The following SOX11 variants were observed in gnomAD, a reference collection of about 807,000 sequenced individuals.
SOX11 encodes the protein SRY-box transcription factor 11.
Under a neutral mutation model 16.7 loss-of-function variants are expected in SOX11, and 5 were observed. The ratio of observed to expected loss-of-function variants is 0.30; its 90% CI spans 0.16 to 0.63. The LOEUF is 0.63. Among genes scored for constraint, SOX11 ranks in the 20% least tolerant of loss-of-function variants. The pLI is 0.82. For synonymous variants in SOX11, 363 were observed against 298.8 expected (o/e 1.21, Z -2.22); for missense variants, 492 against 641.5 (o/e 0.77, Z 2.52).
rs754635284 is a variant in SOX11, at chr2:5,693,699, C to A, written c.978C>A (p.Leu326=). 1 of 1,599,366 alleles carries A rather than the reference C, an allele frequency of 6.3e-7. No homozygotes were observed. Among genetic ancestry groups the A allele is most frequent in the Admixed American group, 1.7e-5 (1 of 59,486 alleles). The change falls in exon 1 of 1, where the codon CTC becomes CTA. Residue 326 remains leucine (L), a synonymous_variant. Coordinates refer to ENST00000322002, the MANE Select transcript of SOX11 (RefSeq NM_003108.4). The surrounding 1 kb of genome is among the most constrained non-coding windows in gnomAD (Gnocchi z 8.6). The part of the protein sequence containing the change: ...KNITKQHPPP[L]AQPALSPASS... ...TCACCAAGCAGCACCCGCCGCCGCT[C>A]GCGCAGCCCGCGCTGTCGCCCGCGT...
Position 5,693,874 on chromosome 2 carries a change from G to C in SOX11, c.1153G>C (p.Ala385Pro). 6.4e-7 allele frequency: 1 copy of C among 1,551,454 alleles called. No homozygotes were observed. The stretch of plus-strand genomic sequence containing the variant: ...CAGCGAGCAGCAGCTGGGGGGCGGC[G>C]CGGCGGCCGGGAACCTGTCCCTGTC... Reference protein sequence around the residue: ...SASEQQLGGGAAAGNLSLSLV... With the variant: ...SASEQQLGGGPAAGNLSLSLV... Residue 385 changes from alanine to proline, a missense_variant, in exon 1 of 1, where the codon GCG (alanine) becomes CCG (proline). Physicochemically the swap from Ala to Pro is conservative, Grantham distance 27. Around this residue, in one of 4 missense-constraint regions of SOX11, gnomAD observed 31 missense variants for 78.3 expected, o/e 0.40. Coordinates refer to ENST00000322002, the MANE Select transcript of SOX11 (RefSeq NM_003108.4). This position sits in a 1 kb window ranked among gnomAD's most constrained non-coding sequence, Gnocchi z 8.6.
rs1052465118 is a variant in SOX11 at position 5,700,443 on chromosome 2, G to A, written c.*6396G>A. The A allele has an allele frequency of 4.4e-4, 72 of 163,726 alleles. No homozygotes were observed. The highest frequency in any genetic ancestry group is 3.1e-4 in the Non-Finnish European group (21 of 67,726). 10.1% of individuals were successfully genotyped at this position (163,726 alleles called of 1,614,324 possible). On this transcript the variant is annotated 3_prime_UTR_variant, in exon 1 of 1. Transcript: ENST00000322002. ...TCCAAAAAAAAAAAAAAGGACAACT[G>A]GAAGTAATTTATCATATAAAGAATT...
rs924321972 is a variant in SOX11, at chr2:5,693,865, G to C, written c.1144G>C (p.Gly382Arg). The change falls in exon 1 of 1, where the codon GGG (glycine) becomes CGG (arginine). Residue 382 changes from glycine (G) to arginine (R), a missense_variant. This residue lies in a region of SOX11 where 389 missense variants were observed against 389.0 expected (regional missense o/e 1.00). Coordinates refer to ENST00000322002, the MANE Select transcript of SOX11 (RefSeq NM_003108.4). This position sits in a 1 kb window ranked among gnomAD's most constrained non-coding sequence, Gnocchi z 8.6. ...GCACAGCGCCAGCGAGCAGCAGCTG[G>C]GGGGCGGCGCGGCGGCCGGGAACCT... ...SAHSASEQQL[G>R]GGAAAGNLSL... 2 of 1,551,500 alleles carry C rather than the reference G, an allele frequency of 1.3e-6. No homozygotes were observed. Among genetic ancestry groups the C allele is most frequent in the Admixed American group, 2.0e-5 (1 of 51,014 alleles).
Position 5,692,701 on chromosome 2 carries a change from C to A in SOX11, c.-21C>A, listed in dbSNP as rs1427962118. On this transcript the variant is annotated 5_prime_UTR_variant, in exon 1 of 1. Transcript: ENST00000322002. Reference sequence around the variant, plus strand: ...CGAGACCCAGCGGCCCGGGTTGGAGCGTCCAGCCCTGCAGCGGATCATGGT... The same window carrying A: ...CGAGACCCAGCGGCCCGGGTTGGAGAGTCCAGCCCTGCAGCGGATCATGGT... The A allele has an allele frequency of 6.5e-7, 1 of 1,540,952 alleles. No individual in the cohort carries two copies. The highest frequency in any genetic ancestry group is 8.8e-7 in the Non-Finnish European group (1 of 1,139,510).
At position 5,693,186 on chromosome 2, in the gene SOX11, C is replaced by A. The variant is rs1280582792; in HGVS notation, c.465C>A (p.Gly155=). 41 of 1,546,324 alleles carry A rather than the reference C, an allele frequency of 2.7e-5. No individual in the cohort carries two copies. The highest frequency in any genetic ancestry group is 3.5e-5 in the Non-Finnish European group (40 of 1,149,778). The change falls in exon 1 of 1, where the codon GGC becomes GGA. Residue 155 remains glycine, a synonymous_variant. Coordinates refer to ENST00000322002, the MANE Select transcript of SOX11 (RefSeq NM_003108.4). The surrounding 1 kb of genome is among the most constrained non-coding windows in gnomAD (Gnocchi z 8.6). ...GGGGSAGGGA[G]GAKTSKGSSK... ...GCGGGAGCGCGGGCGGAGGCGCGGG[C>A]GGTGCCAAGACCTCCAAGGGCTCCA...
chr2:5,693,628 T>G lies in SOX11; in HGVS notation c.907T>G (p.Ser303Ala). The G allele has an allele frequency of 6.3e-7, 1 of 1,575,520 alleles. No homozygotes were observed. The highest frequency in any genetic ancestry group is 8.6e-7 in the Non-Finnish European group (1 of 1,168,672). Residue 303 changes from serine (S) to alanine (A), a missense_variant, in exon 1 of 1, where the codon TCG (serine) becomes GCG (alanine). Ser to Ala is a moderately conservative substitution (Grantham distance 99). Coordinates refer to ENST00000322002, the MANE Select transcript of SOX11 (RefSeq NM_003108.4). This position sits in a 1 kb window ranked among gnomAD's most constrained non-coding sequence, Gnocchi z 8.6. ...CGACGAGGTGCGGGCCGGCGCGACCTCGGGCGCCGGGGGCGGCAGCCGCCT... is the reference window on the plus strand; with the variant it reads ...CGACGAGGTGCGGGCCGGCGCGACCGCGGGCGCCGGGGGCGGCAGCCGCCT... ...LYDEVRAGAT[S>A]GAGGGSRLYY...
In SOX11 at chr2:5,693,862, C is replaced by T. The variant is rs1665683138; in HGVS notation, c.1141C>T (p.Leu381=). Residue 381 remains leucine (L), a synonymous_variant, in exon 1 of 1, where the codon CTG becomes TTG. Transcript: ENST00000322002. This position sits in a 1 kb window ranked among gnomAD's most constrained non-coding sequence, Gnocchi z 8.6. ...QSAHSASEQQ[L]GGGAAAGNLS... ...CGCGCACAGCGCCAGCGAGCAGCAGCTGGGGGGCGGCGCGGCGGCCGGGAA... is the reference window on the plus strand; with the variant it reads ...CGCGCACAGCGCCAGCGAGCAGCAGTTGGGGGGCGGCGCGGCGGCCGGGAA... 3.2e-6 allele frequency: 5 copies of T among 1,551,386 alleles called. No individual in the cohort carries two copies. Among genetic ancestry groups the T allele is most frequent in the Admixed American group, 3.9e-5 (2 of 51,014 alleles).
chr2:5,693,021 G>A lies in SOX11; in HGVS notation c.300G>A (p.Arg100=). The A allele has an allele frequency of 6.2e-7, 1 of 1,614,154 alleles. No individual in the cohort carries two copies. Among genetic ancestry groups the A allele is most frequent in the African/African-American group, 1.3e-5 (1 of 75,064 alleles). The change falls in exon 1 of 1, where the codon CGG becomes CGA. Residue 100 remains arginine (R), a synonymous_variant. Transcript: ENST00000322002. The surrounding 1 kb of genome is among the most constrained non-coding windows in gnomAD (Gnocchi z 8.6). ...LKDSEKIPFI[R]EAERLRLKHM... ...ACAGCGAGAAGATCCCGTTCATCCG[G>A]GAGGCGGAGCGGCTGCGGCTCAAGC...
In SOX11 at chr2:5,701,346, T is replaced by C. The variant is rs1665838128; in HGVS notation, c.*7299T>C. The C allele has an allele frequency of 6.0e-6, 1 of 167,086 alleles. No homozygotes were observed. 10.4% of individuals were successfully genotyped at this position (167,086 alleles called of 1,614,324 possible). ...AGAGTTTTTCACAGAGGATTACATT[T>C]GTTCAAAAGACTCTAATAAAATTGT... On this transcript the variant is annotated 3_prime_UTR_variant, in exon 1 of 1. Coordinates refer to ENST00000322002, the MANE Select transcript of SOX11 (RefSeq NM_003108.4).
Position 5,697,163 on chromosome 2 carries a change from G to A in SOX11, c.*3116G>A. ...CTGGGAGGAGGGAGGCTGGGAGGCC[G>A]CTCGGGGCCCAGCGTGCCAGCCCCG... On this transcript the variant is annotated 3_prime_UTR_variant, in exon 1 of 1. Transcript: ENST00000322002. 6.1e-6 allele frequency: 1 copy of A among 165,236 alleles called. No individual in the cohort carries two copies. 10.2% of individuals were successfully genotyped at this position (165,236 alleles called of 1,614,324 possible). A position where few individuals can be genotyped will look rare whatever the true frequency, so the allele number is the denominator to read the frequency against.
At position 5,693,576 on chromosome 2, in the gene SOX11, G is replaced by C. The variant is rs767520966; in HGVS notation, c.855G>C (p.Ala285=). The stretch of plus-strand genomic sequence containing the variant: ...CCAGCCCTACGCTGAGCAGCTCGGC[G>C]GAGTCCCCCGAGGGAGCGAGCCTCT... ...VPASPTLSSS[A]ESPEGASLYD... is the part of the protein sequence containing the mutation. Residue 285 remains alanine, a synonymous_variant, in exon 1 of 1, where the codon GCG becomes GCC. Transcript: ENST00000322002. The surrounding 1 kb of genome is among the most constrained non-coding windows in gnomAD (Gnocchi z 8.6). 1 of 1,561,570 alleles carries C rather than the reference G, an allele frequency of 6.4e-7. No individual in the cohort carries two copies. Among genetic ancestry groups the C allele is most frequent in the East Asian group, 2.4e-5 (1 of 42,308 alleles).
rs1665666082 is a variant in SOX11 at position 5,693,197 on chromosome 2, C to T, written c.476C>T (p.Thr159Ile). 2.6e-6 allele frequency: 4 copies of T among 1,522,632 alleles called. No individual in the cohort carries two copies. Among genetic ancestry groups the T allele is most frequent in the Admixed American group, 4.3e-5 (2 of 46,578 alleles). The allele number at this position is 1,522,632 out of a possible 1,614,324, so 94.3% of individuals were successfully genotyped here. ...SAGGGAGGAK[T>I]SKGSSKKCGK... ...GGCGGAGGCGCGGGCGGTGCCAAGA[C>T]CTCCAAGGGCTCCAGCAAGAAATGC... Residue 159 changes from threonine to isoleucine, a missense_variant, in exon 1 of 1, where the codon ACC becomes ATC. Thr to Ile is a moderately conservative substitution (Grantham distance 89). Transcript: ENST00000322002. The surrounding 1 kb of genome is among the most constrained non-coding windows in gnomAD (Gnocchi z 8.6).
rs1047715314 is a variant in SOX11 at position 5,699,695 on chromosome 2, T to C, written c.*5648T>C. The C allele has an allele frequency of 3.2e-5, 5 of 157,102 alleles. No homozygotes were observed. Among genetic ancestry groups the C allele is most frequent in the Non-Finnish European group, 7.5e-5 (5 of 66,980 alleles). The allele number at this position is 157,102 out of a possible 1,614,324, so 9.7% of individuals were successfully genotyped here. A position where few individuals can be genotyped will look rare whatever the true frequency, so the allele number is the denominator to read the frequency against. On this transcript the variant is annotated 3_prime_UTR_variant, in exon 1 of 1. Transcript: ENST00000322002. ...TTATGAAACTGAGCTCTCTTCCATT[T>C]TACTTACTGCTGGCTTTTTTTTTTT...
chr2:5,693,620 G>C lies in SOX11; in HGVS notation c.899G>C (p.Gly300Ala), dbSNP rs2103276989. Reference protein sequence around the residue: ...GASLYDEVRAGATSGAGGGSR... With the variant: ...GASLYDEVRAAATSGAGGGSR... Reference sequence around the variant, plus strand: ...AGCCTCTACGACGAGGTGCGGGCCGGCGCGACCTCGGGCGCCGGGGGCGGC... The same window carrying C: ...AGCCTCTACGACGAGGTGCGGGCCGCCGCGACCTCGGGCGCCGGGGGCGGC... Residue 300 changes from glycine to alanine, a missense_variant, in exon 1 of 1, where the codon GGC becomes GCC. Physicochemically the swap from Gly to Ala is moderately conservative, Grantham distance 60 (BLOSUM62 0). Transcript: ENST00000322002. This position sits in a 1 kb window ranked among gnomAD's most constrained non-coding sequence, Gnocchi z 8.6. The C allele has an allele frequency of 6.4e-7, 1 of 1,570,330 alleles. No individual in the cohort carries two copies. The highest frequency in any genetic ancestry group is 1.7e-4 in the Middle Eastern group (1 of 5,926).
At position 5,698,740 on chromosome 2, in the gene SOX11, G is replaced by T. The variant is rs894712437; in HGVS notation, c.*4693G>T. ...TTTTTAATGTTAATCAAGGGGAAGTGATTTAAATATGCATAAATGTAGCAG... is the reference window on the plus strand; with the variant it reads ...TTTTTAATGTTAATCAAGGGGAAGTTATTTAAATATGCATAAATGTAGCAG... On this transcript the variant is annotated 3_prime_UTR_variant, in exon 1 of 1. Transcript: ENST00000322002. 3 of 166,978 alleles carry T rather than the reference G, an allele frequency of 1.8e-5. No homozygotes were observed. Among genetic ancestry groups the T allele is most frequent in the Non-Finnish European group, 4.4e-5 (3 of 68,100 alleles). 10.3% of individuals were successfully genotyped at this position (166,978 alleles called of 1,614,324 possible).
In SOX11 at chr2:5,697,603, G is replaced by A. The variant is rs1372410915; in HGVS notation, c.*3556G>A. 1 of 166,650 alleles carries A rather than the reference G, an allele frequency of 6.0e-6. No individual in the cohort carries two copies. The highest frequency in any genetic ancestry group is 1.9e-4 in the East Asian group (1 of 5,144). 10.3% of individuals were successfully genotyped at this position (166,650 alleles called of 1,614,324 possible). Reference sequence around the variant, plus strand: ...TTCTTTTCTGTGGCTTTTTCCTTTCGATAAACCATCAGATTTCAGTAGTAC... The same window carrying A: ...TTCTTTTCTGTGGCTTTTTCCTTTCAATAAACCATCAGATTTCAGTAGTAC... On this transcript the variant is annotated 3_prime_UTR_variant, in exon 1 of 1. Transcript: ENST00000322002.
chr2:5,696,412 G>T lies in SOX11; in HGVS notation c.*2365G>T. 6.2e-6 allele frequency: 1 copy of T among 161,364 alleles called. No individual in the cohort carries two copies. The allele number at this position is 161,364 out of a possible 1,614,324, so 10.0% of individuals were successfully genotyped here. ...GACCCAGGCTACGAGCGGGAGGGAG[G>T]CGGGAGTCGGGGGAAGACGCGGCAG... On this transcript the variant is annotated 3_prime_UTR_variant, in exon 1 of 1. Transcript: ENST00000322002.
In SOX11 at chr2:5,699,379, G is replaced by T. The variant is rs1665796727; in HGVS notation, c.*5332G>T. 3 of 167,030 alleles carry T rather than the reference G, an allele frequency of 1.8e-5. No individual in the cohort carries two copies. The highest frequency in any genetic ancestry group is 4.8e-5 in the African/African-American group (2 of 41,442). 10.3% of individuals were successfully genotyped at this position (167,030 alleles called of 1,614,324 possible). ...AATACCCTTTGTATAGCCTAAGCCTGTGAGGATAACAAGAATGAGCCTTAC... is the reference window on the plus strand; with the variant it reads ...AATACCCTTTGTATAGCCTAAGCCTTTGAGGATAACAAGAATGAGCCTTAC... On this transcript the variant is annotated 3_prime_UTR_variant, in exon 1 of 1. Coordinates refer to ENST00000322002, the MANE Select transcript of SOX11 (RefSeq NM_003108.4).
Position 5,697,897 on chromosome 2 carries a change from A to T in SOX11, c.*3850A>T, listed in dbSNP as rs928811741. 2 of 167,094 alleles carry T rather than the reference A, an allele frequency of 1.2e-5. No homozygotes were observed. Among genetic ancestry groups the T allele is most frequent in the African/African-American group, 2.4e-5 (1 of 41,448 alleles). 10.4% of individuals were successfully genotyped at this position (167,094 alleles called of 1,614,324 possible). A position where few individuals can be genotyped will look rare whatever the true frequency, so the allele number is the denominator to read the frequency against. On this transcript the variant is annotated 3_prime_UTR_variant, in exon 1 of 1. Coordinates refer to ENST00000322002, the MANE Select transcript of SOX11 (RefSeq NM_003108.4). ...GATAGGCTGATCTATGTATTTTGAA[A>T]GCCTGAAAACTTGGCATGTCTTTTC...
Sources: gnomAD v4.1 joint callset for allele counts on GRCh38, gnomAD v4.1.1 for gene constraint, gnomAD v4.1.1 regional missense constraint, Gnocchi (gnomAD v3.1) non-coding constraint, MANE v1.5 for transcripts, NCBI Gene and HGNC (gene_info 2026-07-23, HGNC 2026-07-21) for gene names.